Variants in SLC1A1 observed in about 807,000 individuals in gnomAD.
SLC1A1 encodes excitatory amino acid transporter 3.
A neutral mutation model predicts 53.3 loss-of-function variants in SLC1A1; 43 were observed. The observed-to-expected ratio is 0.81, with a 90% confidence interval of 0.63 to 1.04. The LOEUF (loss-of-function observed/expected upper bound fraction) is 1.04, where lower values mean the gene tolerates loss of function less well. Among genes scored for constraint, SLC1A1 ranks in the 50% least tolerant of loss-of-function variants. The probability of loss-of-function intolerance (pLI) is 0.00; values close to 1 mark genes in which losing one functional copy is unlikely to be tolerated. For synonymous variants in SLC1A1, 307 were observed against 243.2 expected, an observed-to-expected ratio of 1.26 and a Z score of -2.44; for missense variants, 748 against 664.9, an observed-to-expected ratio of 1.12 and a Z score of -1.37.
At chr9:4,526,695 C>A (rs10974593) in intron 1 of SLC1A1, among the ~76,000 whole-genome samples, 1 of 152,184 alleles carries the variant, frequency 6.6e-6, no homozygotes, top group South Asian at 2.1e-4. Context: ...ATTCTGTATA[C>A]TGAATAGAAT....
intron 10 of SLC1A1, among the ~76,000 whole-genome samples, chr9:4,582,056 G>C (rs1044551243): frequency 4.6e-5 from 7 of 152,176 alleles, no homozygotes; most frequent in African/African-American, 1.7e-4. Context: ...CTTGGCCCAA[G>C]GGCAAGGACT....
intron 1 of SLC1A1, among the ~76,000 whole-genome samples, chr9:4,516,977 T>C (rs1010768265): frequency 6.6e-6 from 1 of 152,170 alleles, no homozygotes; most frequent in African/African-American, 2.4e-5. Flanking sequence ...AAACAGAACT[T>C]TGGTGTCCAA....
intron 1 of SLC1A1, among the ~76,000 whole-genome samples, chr9:4,513,188 G>GA (rs1213422089): frequency 6.6e-6 from 1 of 151,918 alleles, no homozygotes; most frequent in Non-Finnish European, 1.5e-5. Flanking sequence ...ATTCATAAAA[G>GA]AAAAAAATTG....
chr9:4,585,343 G>C lies in SLC1A1; in HGVS notation c.1360G>C (p.Gly454Arg), dbSNP rs1399037234. 2 of 1,614,132 alleles carry C rather than the reference G, an allele frequency of 1.2e-6. No homozygotes were observed. The highest frequency in any genetic ancestry group is 2.2e-5 in the East Asian group (1 of 44,888). The change falls in exon 12 of 12, where the codon GGT becomes CGT. Residue 454 changes from glycine (G) to arginine (R), a missense_variant. Coordinates refer to ENST00000262352, the MANE Select transcript of SLC1A1 (RefSeq NM_004170.6). ...GTTCAGGACCATGGTCAACGTCCTT[G>C]GTGATGCTTTTGGGACGGGCATTGT... is the stretch of plus-strand genomic sequence containing the variant. ...DRFRTMVNVL[G>R]DAFGTGIVEK...
chr9:4,565,584 T>C (rs1196860934), intron 4 of SLC1A1, among the ~76,000 whole-genome samples: 2 of 152,142 alleles, frequency 1.3e-5, no homozygotes, highest in Non-Finnish European at 2.9e-5. Flanking sequence ...TCACTCATGA[T>C]CATGAGAATA....
intron 1 of SLC1A1, among the ~76,000 whole-genome samples, chr9:4,491,714 G>A (rs930908146): frequency 1.3e-5 from 2 of 152,188 alleles, no homozygotes; most frequent in African/African-American, 4.8e-5. Context: ...CCCAGTGATA[G>A]CTCCTCAGCA....
chr9:4,559,985 C>G (rs1469018729), intron 2 of SLC1A1: 1 of 152,206 alleles, frequency 6.6e-6, no homozygotes, highest in Non-Finnish European at 1.5e-5. Flanking sequence ...ATCCAGCTGT[C>G]CTTGACACTC....
chr9:4,576,192 A>C (rs940396257), intron 9 of SLC1A1, 69 bp downstream of exon 9: 1 of 1,487,188 alleles, frequency 6.7e-7, no homozygotes, highest in African/African-American at 1.4e-5. Context: ...CTCACTTTAC[A>C]AAACAGACTC....
At position 4,585,456 on chromosome 9, in the gene SLC1A1, C is replaced by A. The variant is rs1261816798; in HGVS notation, c.1473C>A (p.Ile491=). The change falls in exon 12 of 12, where the codon ATC becomes ATA. Residue 491 remains isoleucine, a synonymous_variant. Transcript: ENST00000262352. ...IVNPFALEST[I]LDNEDSDTKK... is the part of the protein sequence containing the mutation. ...ATCCCTTTGCCTTGGAATCCACAAT[C>A]CTTGACAACGAAGACTCAGACACCA... The A allele has an allele frequency of 2.5e-6, 4 of 1,614,204 alleles. No homozygotes were observed. The highest frequency in any genetic ancestry group is 1.3e-5 in the African/African-American group (1 of 75,050).
At chr9:4,509,087 G>C (rs924256439) in intron 1 of SLC1A1, among the ~76,000 whole-genome samples, 6 of 152,162 alleles carry the variant, frequency 3.9e-5, no homozygotes, top group Non-Finnish European at 8.8e-5. Context: ...TAGGCTTTAA[G>C]GGGTGGGTAG....
At position 4,553,079 on chromosome 9, in the gene SLC1A1, G is replaced by C. The variant is rs1210006608; in HGVS notation, c.233-8370G>C. Among the ~76,000 whole-genome samples, 8 of 152,262 alleles carry C rather than the reference G, an allele frequency of 5.3e-5. No homozygotes were observed. The East Asian group carries it at 1.5e-3, about 29-fold the overall frequency. On this transcript the variant is annotated intron_variant, in intron 2 of 11. Coordinates refer to ENST00000262352, the MANE Select transcript of SLC1A1 (RefSeq NM_004170.6). ...TAAAGAGAAGCAAAGAGACAGCTCA[G>C]TCATATTTAGGTTGTGGCAAAAACC...
chr9:4,537,422 G>A lies in SLC1A1; in HGVS notation c.92-7145G>A, dbSNP rs1433148380. On this transcript the variant is annotated intron_variant, in intron 1 of 11. Coordinates refer to ENST00000262352, the MANE Select transcript of SLC1A1 (RefSeq NM_004170.6). ...AAAATACAAAAAATTAGCCGGGCGCGGTGGCGGGCGCCTGTAGTCCCAGCT... is the reference window on the plus strand; with the variant it reads ...AAAATACAAAAAATTAGCCGGGCGCAGTGGCGGGCGCCTGTAGTCCCAGCT... Among the ~76,000 whole-genome samples, 9 of 97,236 alleles carry A rather than the reference G, an allele frequency of 9.3e-5. 4 individuals are homozygous for A. Among genetic ancestry groups the A allele is most frequent in the East Asian group, 6.3e-4 (3 of 4,738 alleles). 63.8% of individuals were successfully genotyped at this position (97,236 alleles called of 152,430 possible).
intron 1 of SLC1A1, among the ~76,000 whole-genome samples, chr9:4,537,375 A>C (rs1464137979): frequency 6.2e-5 from 3 of 48,038 alleles, no homozygotes; most frequent in African/African-American, 2.5e-4. Flanking sequence ...CTGGCTAACA[A>C]GGTGAAACCC....
intron 2 of SLC1A1, among the ~76,000 whole-genome samples, chr9:4,554,580 G>C (rs562213430): frequency 1.3e-5 from 2 of 152,324 alleles, no homozygotes; most frequent in East Asian, 3.9e-4. Context: ...AAGAGCCTGT[G>C]CAAAGGCCTT....
intron 1 of SLC1A1, among the ~76,000 whole-genome samples, chr9:4,536,520 A>T (rs147412454): frequency 6.6e-6 from 1 of 152,156 alleles, no homozygotes; most frequent in Non-Finnish European, 1.5e-5. Flanking sequence ...TTAGAATGGC[A>T]ATCATTAAAA....
At chr9:4,542,261 G>C (rs10815013) in intron 1 of SLC1A1, among the ~76,000 whole-genome samples, 20,705 of 152,100 alleles carry the variant, frequency 0.14, 1,687 homozygotes, top group African/African-American at 0.21. Context: ...GAACAAGCTT[G>C]ATAGAAAGTT....
chr9:4,564,532 T>C (rs1819300849), intron 4 of SLC1A1, 74 bp downstream of exon 4: 2 of 861,154 alleles, frequency 2.3e-6, no homozygotes, highest in African/African-American at 1.7e-5. Context: ...GGTTTAATAT[T>C]CTGCTGTTAC....
chr9:4,567,719 C>T lies in SLC1A1; in HGVS notation c.534C>T (p.Asn178=), dbSNP rs746332885. 13 of 1,612,186 alleles carry T rather than the reference C, an allele frequency of 8.1e-6. No homozygotes were observed. Among genetic ancestry groups the T allele is most frequent in the Admixed American group, 3.3e-5 (2 of 59,976 alleles). Residue 178 remains asparagine, a synonymous_variant, in exon 6 of 12, where the codon AAC becomes AAT. Coordinates refer to ENST00000262352, the MANE Select transcript of SLC1A1 (RefSeq NM_004170.6). ...EVKPPSDPEM[N]MTEESFTAVM... ...AGCCTCCCAGCGATCCAGAGATGAA[C>T]ATGACAGAAGAGTCCTTCACAGCTG...
At chr9:4,508,146 G>T (rs1324449757) in intron 1 of SLC1A1, among the ~76,000 whole-genome samples, 2 of 151,784 alleles carry the variant, frequency 1.3e-5, no homozygotes, top group South Asian at 2.1e-4. Context: ...TAGATAAAGG[G>T]TCTTCACAGG....
Sources: gnomAD v4.1 joint callset for allele counts (sites outside exome capture counted in the v4.1 genomes callset) on GRCh38, gnomAD v4.1.1 for gene constraint, MANE v1.5 for transcripts, NCBI Gene and HGNC (gene_info 2026-07-23, HGNC 2026-07-21) for gene names.